Variants in ARFGEF2 observed in about 807,000 individuals in gnomAD.
ARFGEF2 encodes the protein ARF guanine nucleotide exchange factor 2, also known as brefeldin A-inhibited guanine nucleotide-exchange protein 2.
A neutral mutation model predicts 219.9 loss-of-function variants in ARFGEF2; 74 were observed. The ratio of observed to expected loss-of-function variants is 0.34; its 90% CI spans 0.28 to 0.41. The LOEUF is 0.41. ARFGEF2 is among the 10% of genes least tolerant of loss of function. ARFGEF2 has a pLI of 1.00. For missense variants in ARFGEF2, 1,743 were observed against 2,218.3 expected (o/e 0.79, Z 4.30); for synonymous variants, 733 against 799.2 (o/e 0.92, Z 1.40).
At chr20:49,004,887 G>T (rs370743847) in intron 25 of ARFGEF2, among the ~76,000 whole-genome samples, 183 bp from the exon 26 acceptor site, 1 of 152,124 alleles carries the variant, frequency 6.6e-6, no homozygotes, top group Non-Finnish European at 1.5e-5. Context: ...TACTGATTTC[G>T]TCATTACACT....
rs1371335432 is a variant in ARFGEF2 at position 49,023,188 on chromosome 20, A to G, written c.4755+7A>G. 1 of 1,614,054 alleles carries G rather than the reference A, an allele frequency of 6.2e-7. No homozygotes were observed. The stretch of plus-strand genomic sequence containing the variant: ...GCACATGGTTGCCGCCCAGGTAAGA[A>G]CAGGAGGCCTCAGGAAGAGCATCCC... On this transcript the variant is annotated splice_region_variant and intron_variant, in intron 35 of 38. Transcript: ENST00000371917.
chr20:48,932,500 T>C (rs1343045454), intron 1 of ARFGEF2, among the ~76,000 whole-genome samples: 2 of 152,154 alleles, frequency 1.3e-5, no homozygotes, highest in African/African-American at 4.8e-5. Context: ...GAGGTCTGCT[T>C]AGGCGGAGAC....
At chr20:49,002,347 C>G (rs1279809238) in intron 25 of ARFGEF2, among the ~76,000 whole-genome samples, 1 of 152,194 alleles carries the variant, frequency 6.6e-6, no homozygotes, top group African/African-American at 2.4e-5. Context: ...CAACAGATCT[C>G]AAGGACCCTT....
intron 4 of ARFGEF2, among the ~76,000 whole-genome samples, chr20:48,951,866 C>T (rs1423663778): frequency 6.6e-6 from 1 of 152,058 alleles, no homozygotes; most frequent in Non-Finnish European, 1.5e-5. Context: ...ACAGATAGTA[C>T]CATCTGCTTG....
At chr20:48,975,000 T>A in intron 13 of ARFGEF2, 126 bp downstream of exon 13, 1 of 795,098 alleles carries the variant, frequency 1.3e-6, no homozygotes. Context: ...AATACCTATA[T>A]TATTTTGAAA....
At chr20:48,942,025 C>T (rs2090996072) in intron 3 of ARFGEF2, 38 bp downstream of exon 3, 4 of 1,612,666 alleles carry the variant, frequency 2.5e-6, no homozygotes, top group East Asian at 2.2e-5. Context: ...AGGGGGTTCT[C>T]TCCAAGCCAC....
chr20:48,936,790 G>A (rs1777976015), intron 1 of ARFGEF2, among the ~76,000 whole-genome samples: 1 of 152,172 alleles, frequency 6.6e-6, no homozygotes, highest in African/African-American at 2.4e-5. Context: ...GCCTCCCAAA[G>A]TGCTGGGATT....
intron 12 of ARFGEF2, among the ~76,000 whole-genome samples, chr20:48,973,991 A>G (rs1182214279): frequency 6.6e-6 from 1 of 152,106 alleles, no homozygotes; most frequent in Non-Finnish European, 1.5e-5. Context: ...GAGCCTTAAA[A>G]TTGAATGCAT....
chr20:48,949,461 G>T (rs1355452917), intron 3 of ARFGEF2, among the ~76,000 whole-genome samples: 3 of 152,158 alleles, frequency 2.0e-5, no homozygotes, highest in East Asian at 1.9e-4. Context: ...GCAATGTGAG[G>T]GGTGAGGTAA....
At chr20:49,012,527 C>G (rs1734191131) in intron 28 of ARFGEF2, among the ~76,000 whole-genome samples, 1 of 150,102 alleles carries the variant, frequency 6.7e-6, no homozygotes, top group Non-Finnish European at 1.5e-5. Flanking sequence ...TTTGATGTGT[C>G]TCATCTTTCT....
In ARFGEF2 at chr20:48,984,740, A is replaced by G. The variant is rs1043554079; in HGVS notation, c.1970A>G (p.Lys657Arg). 3.7e-6 allele frequency: 6 copies of G among 1,613,950 alleles called. No individual in the cohort carries two copies. The African/African-American group carries it at 6.7e-5, about 18-fold the overall frequency. ...TCTGCTTGAAACAGGTTCAACAAGA[A>G]ACCCAAGAGGGGGATCCAGTTTCTC... ...IEHGIELFNK[K>R]PKRGIQFLQE... Residue 657 changes from lysine (K) to arginine (R), a missense_variant, in exon 15 of 39, where the codon AAA (lysine) becomes AGA (arginine). Coordinates refer to ENST00000371917, the MANE Select transcript of ARFGEF2 (RefSeq NM_006420.3).
intron 1 of ARFGEF2, among the ~76,000 whole-genome samples, chr20:48,929,940 C>T (rs147700180): frequency 1.9e-3 from 291 of 152,148 alleles, no homozygotes; most frequent in African/African-American, 6.4e-3. Context: ...AGTTTTAAAC[C>T]GGGAAGCAGG....
chr20:48,936,948 T>C (rs957540794), intron 1 of ARFGEF2, among the ~76,000 whole-genome samples: 1 of 152,206 alleles, frequency 6.6e-6, no homozygotes, highest in Non-Finnish European at 1.5e-5. Flanking sequence ...TTGTTGGGAT[T>C]GTTCTTCCCT....
At chr20:49,028,471 C>T in intron 36 of ARFGEF2, 59 bp from the exon 37 acceptor site, 1 of 1,531,762 alleles carries the variant, frequency 6.5e-7, no homozygotes, top group South Asian at 1.1e-5. Context: ...TCTAGTCATA[C>T]ACAGTTATCA....
chr20:49,032,030 C>G lies in ARFGEF2; in HGVS notation c.5064-19C>G, dbSNP rs988460747. ...TTAATCAATTGTTTGATATGCCTCCCCCTCTCTAATTCTTCTAGTGTTTGC... is the reference window on the plus strand; with the variant it reads ...TTAATCAATTGTTTGATATGCCTCCGCCTCTCTAATTCTTCTAGTGTTTGC... On this transcript the variant is annotated intron_variant, in intron 37 of 38. Coordinates refer to ENST00000371917, the MANE Select transcript of ARFGEF2 (RefSeq NM_006420.3). 1 of 1,523,682 alleles carries G rather than the reference C, an allele frequency of 6.6e-7. No individual in the cohort carries two copies. The highest frequency in any genetic ancestry group is 1.1e-5 in the South Asian group (1 of 89,238). 94.4% of individuals were successfully genotyped at this position (1,523,682 alleles called of 1,614,324 possible).
At position 49,005,109 on chromosome 20, in the gene ARFGEF2, G is replaced by T; in HGVS notation, c.3472G>T (p.Val1158Phe). ...TAATGAAGATGTGGCTATCTTTGCTGTTGACTCATTAAGGCAACTCTCCAT... is the reference window on the plus strand; with the variant it reads ...TAATGAAGATGTGGCTATCTTTGCTTTTGACTCATTAAGGCAACTCTCCAT... ...NPNEDVAIFA[V>F]DSLRQLSMKF... Residue 1158 changes from valine to phenylalanine, a missense_variant, in exon 26 of 39, where the codon GTT (valine) becomes TTT (phenylalanine). Physicochemically the swap from Val to Phe is conservative, Grantham distance 50 (BLOSUM62 -1). Coordinates refer to ENST00000371917, the MANE Select transcript of ARFGEF2 (RefSeq NM_006420.3). 1 of 1,614,156 alleles carries T rather than the reference G, an allele frequency of 6.2e-7. No individual in the cohort carries two copies. The highest frequency in any genetic ancestry group is 8.5e-7 in the Non-Finnish European group (1 of 1,180,028).
At chr20:48,957,322 AC>A (rs2091111946) in intron 6 of ARFGEF2, among the ~76,000 whole-genome samples, 1 of 152,278 alleles carries the variant, frequency 6.6e-6, no homozygotes, top group South Asian at 2.1e-4. Context: ...CCCTCCCAAA[AC>A]AAAATTCAGG....
At chr20:48,989,245 A>G in intron 18 of ARFGEF2, 40 bp from the exon 19 acceptor site, 1 of 1,613,114 alleles carries the variant, frequency 6.2e-7, no homozygotes, top group Non-Finnish European at 8.5e-7. Flanking sequence ...GCCAGCCCTC[A>G]GTGACTGCTA....
At chr20:48,975,293 C>T (rs1016580941) in intron 13 of ARFGEF2, among the ~76,000 whole-genome samples, 5 of 152,174 alleles carry the variant, frequency 3.3e-5, no homozygotes, top group African/African-American at 1.2e-4. Context: ...AGCGATCCTC[C>T]CACCTCAGCC....
Sources: allele counts gnomAD v4.1 joint callset (sites outside exome capture counted in the v4.1 genomes callset), GRCh38; gene constraint gnomAD v4.1.1; transcripts MANE v1.5; gene names NCBI Gene and HGNC (gene_info 2026-07-23, HGNC 2026-07-21).